The following CRIM1 variants were observed in gnomAD, a reference collection of about 807,000 sequenced individuals.
The protein encoded by CRIM1 is cysteine rich transmembrane BMP regulator 1.
Under a neutral mutation model 116.4 loss-of-function variants are expected in CRIM1, and 32 were observed. That is an observed-to-expected ratio of 0.27 (90% CI 0.21 to 0.37). The LOEUF (loss-of-function observed/expected upper bound fraction) is 0.37, where lower values mean the gene tolerates loss of function less well. Ranked by LOEUF, CRIM1 falls within the 10% of genes least tolerant of loss-of-function variation. The probability of loss-of-function intolerance (pLI) is 1.00; values close to 1 mark genes in which losing one functional copy is unlikely to be tolerated. For missense variants in CRIM1, 1,331 were observed against 1,354.8 expected, an observed-to-expected ratio of 0.98 and a Z score of 0.28; for synonymous variants, 590 against 509.2, an observed-to-expected ratio of 1.16 and a Z score of -2.13.
chr2:36,470,837 T>C (rs1478918470), intron 5 of CRIM1, among the ~76,000 whole-genome samples: 2 of 152,220 alleles, frequency 1.3e-5, no homozygotes, highest in African/African-American at 4.8e-5. Flanking sequence ...ATTCCTCTGA[T>C]GGATCAGAAC....
chr2:36,530,229 ATCTTTTCAT>A (rs1177486522), intron 13 of CRIM1, among the ~76,000 whole-genome samples: 1 of 152,178 alleles, frequency 6.6e-6, no homozygotes, highest in Non-Finnish European at 1.5e-5. Context: ...GTTGAGTTCC[ATCTTTTCAT>A]TCTTTTACAG....
At chr2:36,397,776 C>A (rs1558538635) in intron 2 of CRIM1, among the ~76,000 whole-genome samples, 1 of 152,154 alleles carries the variant, frequency 6.6e-6, no homozygotes, top group Non-Finnish European at 1.5e-5. Flanking sequence ...TAACATTTCT[C>A]TTTGTATTTA....
chr2:36,477,776 G>A (rs926902449), intron 6 of CRIM1, among the ~76,000 whole-genome samples: 2 of 152,186 alleles, frequency 1.3e-5, no homozygotes, highest in South Asian at 4.1e-4. Context: ...TTTCAAAACA[G>A]TTGCTCTGAA....
chr2:36,386,774 G>T (rs1671198733), intron 1 of CRIM1, among the ~76,000 whole-genome samples: 1 of 152,234 alleles, frequency 6.6e-6, no homozygotes, highest in African/African-American at 2.4e-5. Flanking sequence ...TAGATATGCA[G>T]TAGAAGTCCT....
At chr2:36,449,877 AC>A (rs1449424011) in intron 4 of CRIM1, among the ~76,000 whole-genome samples, 30 of 72,104 alleles carry the variant, frequency 4.2e-4, no homozygotes, top group Admixed American at 3.9e-3. Flanking sequence ...TCTTAAAAAA[AC>A]AAAACAAAAA....
chr2:36,468,108 G>T (rs1394845897), intron 5 of CRIM1, among the ~76,000 whole-genome samples: 1 of 152,210 alleles, frequency 6.6e-6, no homozygotes, highest in East Asian at 1.9e-4. Flanking sequence ...CCATGGTGAG[G>T]TAGATCCAAA....
In CRIM1 at chr2:36,513,548, C is replaced by T. The variant is rs2125113555; in HGVS notation, c.1781-8C>T. ...ACTTCTTTACCAGGCTGCCTTTTGT[C>T]TGTCCAGAGGCCTCTGCTTCAGCTG... On this transcript the variant is annotated splice_polypyrimidine_tract_variant and splice_region_variant and intron_variant, in intron 10 of 16. Transcript: ENST00000280527. 6.2e-7 allele frequency: 1 copy of T among 1,613,560 alleles called. No homozygotes were observed. Among genetic ancestry groups the T allele is most frequent in the Non-Finnish European group, 8.5e-7 (1 of 1,179,576 alleles).
chr2:36,446,014 T>C (rs920737941), intron 4 of CRIM1, among the ~76,000 whole-genome samples: 1 of 152,192 alleles, frequency 6.6e-6, no homozygotes, highest in South Asian at 2.1e-4. Flanking sequence ...GCAAAGCTGA[T>C]TATGTGGAGA....
chr2:36,403,715 G>A (rs1672583293), intron 2 of CRIM1, among the ~76,000 whole-genome samples: 1 of 152,152 alleles, frequency 6.6e-6, no homozygotes, highest in Non-Finnish European at 1.5e-5. Context: ...AGAGGAGGTG[G>A]TCAGGATAGA....
At chr2:36,516,278 C>T (rs1374361085) in intron 11 of CRIM1, among the ~76,000 whole-genome samples, 4 of 152,094 alleles carry the variant, frequency 2.6e-5, no homozygotes, top group Admixed American at 6.5e-5. Flanking sequence ...CATTCTGGGG[C>T]GTGACTTCCA....
At chr2:36,527,897 A>C (rs547524012) in intron 13 of CRIM1, among the ~76,000 whole-genome samples, 1 of 151,940 alleles carries the variant, frequency 6.6e-6, no homozygotes, top group Non-Finnish European at 1.5e-5. Context: ...TGCACATTGG[A>C]AAGAGAACTT....
intron 1 of CRIM1, among the ~76,000 whole-genome samples, chr2:36,366,539 A>T (rs953081774): frequency 6.8e-6 from 1 of 147,586 alleles, no homozygotes; most frequent in Non-Finnish European, 1.5e-5. Context: ...TGGAAAGATT[A>T]AAAAAAAAAG....
At chr2:36,525,384 C>G (rs143247157) in intron 13 of CRIM1, among the ~76,000 whole-genome samples, 119 of 152,332 alleles carry the variant, frequency 7.8e-4, no homozygotes, top group Middle Eastern at 6.8e-3. Context: ...GTCCTGACTT[C>G]CAGTCAGCTT....
chr2:36,500,993 T>C (rs750059984), intron 8 of CRIM1, among the ~76,000 whole-genome samples: 1 of 152,376 alleles, frequency 6.6e-6, no homozygotes, highest in Non-Finnish European at 1.5e-5. Context: ...CAGTGCTTTA[T>C]TCCCCTAAAT....
chr2:36,423,263 T>C (rs1448968162), intron 2 of CRIM1, among the ~76,000 whole-genome samples: 1 of 152,242 alleles, frequency 6.6e-6, no homozygotes, highest in African/African-American at 2.4e-5. Flanking sequence ...TAGAGTCAGC[T>C]TGGACTCGTT....
chr2:36,441,411 A>C lies in CRIM1; in HGVS notation c.659A>C (p.Lys220Thr). ...CVCNPAGCLR[K>T]VCQPGNLNIL... ...TGCAACCCCGCAGGCTGTCTGCGCA[A>C]AGTCTGCCAGCCGGGAAACCTGAAC... Residue 220 changes from lysine (K) to threonine (T), a missense_variant, in exon 3 of 17, where the codon AAA becomes ACA. Transcript: ENST00000280527. 1 of 1,614,084 alleles carries C rather than the reference A, an allele frequency of 6.2e-7. No individual in the cohort carries two copies. The highest frequency in any genetic ancestry group is 8.5e-7 in the Non-Finnish European group (1 of 1,180,016).
At chr2:36,509,063 A>T (rs998278020) in intron 8 of CRIM1, among the ~76,000 whole-genome samples, 6 of 152,252 alleles carry the variant, frequency 3.9e-5, no homozygotes, top group African/African-American at 1.2e-4. Context: ...GAGAAAAAAC[A>T]TATCTAAATG....
intron 1 of CRIM1, among the ~76,000 whole-genome samples, chr2:36,377,810 T>A (rs1302599249): frequency 6.6e-6 from 1 of 152,190 alleles, no homozygotes; most frequent in African/African-American, 2.4e-5. Context: ...AGAGTTATAT[T>A]TGGTTGAAAT....
intron 4 of CRIM1, among the ~76,000 whole-genome samples, chr2:36,446,203 TC>T (rs1676230914): frequency 6.6e-6 from 1 of 152,142 alleles, no homozygotes; most frequent in Non-Finnish European, 1.5e-5. Context: ...AAGAATACAT[TC>T]CTCCCTCCTT....
Sources: gnomAD v4.1 joint callset for allele counts (sites outside exome capture counted in the v4.1 genomes callset) on GRCh38, gnomAD v4.1.1 for gene constraint, MANE v1.5 for transcripts, NCBI Gene and HGNC (gene_info 2026-07-23, HGNC 2026-07-21) for gene names.